The following MAST4 variants were observed in gnomAD, a reference collection of about 807,000 sequenced individuals.
MAST4 encodes microtubule-associated serine/threonine-protein kinase 4.
In MAST4, 89 loss-of-function variants were observed where a neutral mutation model predicts 162.7. The ratio of observed to expected loss-of-function variants is 0.55; its 90% CI spans 0.46 to 0.65. The LOEUF (loss-of-function observed/expected upper bound fraction) is 0.65. Ranked by LOEUF, MAST4 falls within the 30% of genes least tolerant of loss-of-function variation. MAST4 has a pLI of 0.00. For synonymous variants in MAST4, 1,479 were observed against 1,361.1 expected, an observed-to-expected ratio of 1.09 and a Z score of -1.91; for missense variants, 3,153 against 3,374.0, an observed-to-expected ratio of 0.93 and a Z score of 1.62.
At chr5:66,734,401 T>C (rs1227499345) in intron 1 of MAST4, among the ~76,000 whole-genome samples, 2 of 152,218 alleles carry the variant, frequency 1.3e-5, no homozygotes, top group Non-Finnish European at 2.9e-5. Context: ...CAGGGTATCA[T>C]AGGCTATATT....
intron 1 of MAST4, among the ~76,000 whole-genome samples, chr5:66,693,993 A>G (rs1002730580): frequency 6.6e-6 from 1 of 152,200 alleles, no homozygotes; most frequent in Non-Finnish European, 1.5e-5. Flanking sequence ...ATGGTACATG[A>G]ACATACTTGA....
chr5:66,926,591 T>C (rs990075903), intron 4 of MAST4, among the ~76,000 whole-genome samples: 13 of 148,194 alleles, frequency 8.8e-5, no homozygotes, highest in South Asian at 2.1e-4. Flanking sequence ...CACACACACA[T>C]ATATGTATAT....
At chr5:67,048,985 A>ACG (rs1554087336) in intron 4 of MAST4, among the ~76,000 whole-genome samples, 29 of 106,942 alleles carry the variant, frequency 2.7e-4, no homozygotes, top group Middle Eastern at 4.2e-3. Flanking sequence ...ATATATATAT[A>ACG]TGTATATATA....
chr5:67,000,918 A>G (rs1007350234), intron 4 of MAST4, among the ~76,000 whole-genome samples: 1 of 152,220 alleles, frequency 6.6e-6, no homozygotes, highest in African/African-American at 2.4e-5. Flanking sequence ...TAGGATGACA[A>G]GCTTGTTTTT....
intron 25 of MAST4, 118 bp from the exon 26 acceptor site, chr5:67,153,340 A>T (rs1293671961): frequency 3.8e-6 from 4 of 1,065,198 alleles, no homozygotes; most frequent in African/African-American, 1.6e-5. Flanking sequence ...TACCTGTTAG[A>T]TTTTCTATTA....
chr5:67,078,923 T>TAA (rs1554093904), intron 5 of MAST4, among the ~76,000 whole-genome samples: 2 of 81,734 alleles, frequency 2.4e-5, no homozygotes, highest in African/African-American at 1.3e-4. Context: ...TATATATATA[T>TAA]ATATATATAT....
intron 1 of MAST4, among the ~76,000 whole-genome samples, chr5:66,720,135 TTAATA>T (rs1751102757): frequency 6.6e-6 from 1 of 151,244 alleles, no homozygotes; most frequent in Admixed American, 6.6e-5. Context: ...TACATATTGT[TTAATA>T]TGAGTTTATT....
intron 7 of MAST4, among the ~76,000 whole-genome samples, chr5:67,099,497 T>G (rs1764797769): frequency 6.6e-6 from 1 of 151,920 alleles, no homozygotes; most frequent in African/African-American, 2.4e-5. Flanking sequence ...AATATAATGA[T>G]TTTTAAAAAA....
intron 4 of MAST4, among the ~76,000 whole-genome samples, chr5:66,916,446 C>G (rs1764125987): frequency 6.6e-6 from 1 of 152,182 alleles, no homozygotes; most frequent in African/African-American, 2.4e-5. Context: ...TATAGAAATA[C>G]TACTGTACTA....
intron 4 of MAST4, among the ~76,000 whole-genome samples, chr5:66,965,487 T>C (rs2150176240): frequency 6.7e-6 from 1 of 150,212 alleles, no homozygotes; most frequent in South Asian, 2.1e-4. Context: ...GAGGATGAGG[T>C]TCTGAAGAGT....
At chr5:66,834,311 G>A (rs1041141390) in intron 3 of MAST4, among the ~76,000 whole-genome samples, 9 of 152,126 alleles carry the variant, frequency 5.9e-5, no homozygotes, top group African/African-American at 2.2e-4. Flanking sequence ...TATAGAACCC[G>A]GAGACGCGAA....
At chr5:66,984,561 A>T (rs1302362475) in intron 4 of MAST4, among the ~76,000 whole-genome samples, 2 of 152,246 alleles carry the variant, frequency 1.3e-5, no homozygotes, top group African/African-American at 2.4e-5. Flanking sequence ...GGGTAATAAC[A>T]TAATCTGATT....
At position 67,006,257 on chromosome 5, in the gene MAST4, G is replaced by T. The variant is rs183683488; in HGVS notation, c.675-48147G>T. Among the ~76,000 whole-genome samples, 135 of 152,328 alleles carry T rather than the reference G, an allele frequency of 8.9e-4. 2 individuals carry two copies. The highest frequency in any genetic ancestry group is 3.2e-3 in the African/African-American group (132 of 41,570). ...TCATATTTGCTTTTTGATGCAGTTTGAAGTGTTGATACCACTAAACTATGT... is the reference window on the plus strand; with the variant it reads ...TCATATTTGCTTTTTGATGCAGTTTTAAGTGTTGATACCACTAAACTATGT... On this transcript the variant is annotated intron_variant, in intron 4 of 28. Coordinates refer to ENST00000403625, the MANE Select transcript of MAST4 (RefSeq NM_001164664.2).
At chr5:66,971,037 C>A (rs1384913994) in intron 4 of MAST4, among the ~76,000 whole-genome samples, 3 of 152,200 alleles carry the variant, frequency 2.0e-5, no homozygotes, top group Non-Finnish European at 4.4e-5. Flanking sequence ...GCTCAAGCAT[C>A]TGGTTGGAGA....
chr5:67,069,457 G>C (rs1348186957), intron 5 of MAST4, among the ~76,000 whole-genome samples: 1 of 151,780 alleles, frequency 6.6e-6, no homozygotes, highest in Admixed American at 6.6e-5. Context: ...TAGTATTCCA[G>C]GTCTGATGAC....
intron 4 of MAST4, among the ~76,000 whole-genome samples, chr5:66,970,031 C>T (rs1173375253): frequency 1.3e-5 from 2 of 152,138 alleles, no homozygotes; most frequent in Non-Finnish European, 2.9e-5. Context: ...CTGTGTCATG[C>T]AGGCACTCTT....
chr5:66,640,607 C>G (rs1745432706), intron 1 of MAST4, among the ~76,000 whole-genome samples: 1 of 152,122 alleles, frequency 6.6e-6, no homozygotes, highest in Non-Finnish European at 1.5e-5. Context: ...GCGCCCAGCC[C>G]ACAATTTCTT....
chr5:66,639,724 A>G (rs537659690), intron 1 of MAST4, among the ~76,000 whole-genome samples: 1 of 152,314 alleles, frequency 6.6e-6, no homozygotes, highest in East Asian at 1.9e-4. Flanking sequence ...TGATGTGTTT[A>G]TGAAAGGAGA....
chr5:66,710,169 T>C (rs1203428981), intron 1 of MAST4, among the ~76,000 whole-genome samples: 1 of 152,220 alleles, frequency 6.6e-6, no homozygotes. Context: ...GATTTAGTAA[T>C]TTTTAGTTGT....
Sources: gnomAD v4.1 joint callset for allele counts (sites outside exome capture counted in the v4.1 genomes callset) on GRCh38, gnomAD v4.1.1 for gene constraint, MANE v1.5 for transcripts, NCBI Gene and HGNC (gene_info 2026-07-23, HGNC 2026-07-21) for gene names.